Variants in TFCP2L1 observed in about 807,000 individuals in gnomAD.
TFCP2L1 encodes transcription factor CP2-like protein 1.
TFCP2L1 carries 12 observed loss-of-function variants against 72.2 expected under a neutral mutation model. The ratio of observed to expected loss-of-function variants is 0.17; its 90% CI spans 0.11 to 0.27. The LOEUF (loss-of-function observed/expected upper bound fraction) is 0.27, where lower values mean the gene tolerates loss of function less well. TFCP2L1 is among the 10% of genes least tolerant of loss of function. TFCP2L1 has a pLI of 1.00. For missense variants in TFCP2L1, 488 were observed against 624.6 expected (o/e 0.78, Z 2.33); for synonymous variants, 260 against 251.0 (o/e 1.04, Z -0.34).
intron 11 of TFCP2L1, 95 bp from the exon 12 acceptor site, chr2:121,234,289 A>AGG: frequency 8.5e-7 from 1 of 1,174,502 alleles, no homozygotes; most frequent in Non-Finnish European, 1.2e-6. Flanking sequence ...GGCAGAACTC[A>AGG]GGGAGGAAGA....
chr2:121,275,924 G>A (rs1009962153), intron 2 of TFCP2L1, among the ~76,000 whole-genome samples: 27 of 152,116 alleles, frequency 1.8e-4, no homozygotes, highest in Non-Finnish European at 3.7e-4. Flanking sequence ...TATTGGGAAC[G>A]GCTAAAAAGA....
In TFCP2L1 at chr2:121,224,063, T is replaced by C; in HGVS notation, c.*278A>G. Reference sequence around the variant, plus strand: ...GAGCAGACGTCTCCACTGTTTGCCCTTTTAGAACGTCAGGGTTGGACCAAT... The same window carrying C: ...GAGCAGACGTCTCCACTGTTTGCCCCTTTAGAACGTCAGGGTTGGACCAAT... On this transcript the variant is annotated 3_prime_UTR_variant, in exon 15 of 15. Coordinates refer to ENST00000263707, the MANE Select transcript of TFCP2L1 (RefSeq NM_014553.3). The C allele has an allele frequency of 2.0e-6, 1 of 503,706 alleles. No homozygotes were observed. The highest frequency in any genetic ancestry group is 3.6e-6 in the Non-Finnish European group (1 of 280,616). The allele number at this position is 503,706 out of a possible 1,614,324, so 31.2% of individuals were successfully genotyped here.
intron 2 of TFCP2L1, among the ~76,000 whole-genome samples, chr2:121,273,967 G>A (rs369470850): frequency 3.9e-5 from 6 of 152,050 alleles, no homozygotes; most frequent in South Asian, 2.1e-4. Context: ...GGTAGTGGGC[G>A]CCTGTAACCC....
intron 2 of TFCP2L1, among the ~76,000 whole-genome samples, chr2:121,275,251 GCGGGCGCC>G (rs1558746427): frequency 2.2e-5 from 3 of 137,698 alleles, no homozygotes; most frequent in South Asian, 2.4e-4. Flanking sequence ...AGGCATGGCG[GCGGGCGCC>G]TGTAGTCGCG....
intron 2 of TFCP2L1, among the ~76,000 whole-genome samples, chr2:121,256,250 A>G (rs1475459178): frequency 6.6e-6 from 1 of 152,130 alleles, no homozygotes; most frequent in Non-Finnish European, 1.5e-5. Flanking sequence ...CCTGAAACAC[A>G]TGTTGCCATA....
chr2:121,243,888 G>A (rs1055954602), intron 6 of TFCP2L1, among the ~76,000 whole-genome samples: 1 of 152,024 alleles, frequency 6.6e-6, no homozygotes, highest in African/African-American at 2.4e-5. Context: ...GAATCATCCC[G>A]AAACCATCCC....
chr2:121,240,099 A>G lies in TFCP2L1; in HGVS notation c.769-450T>C. On this transcript the variant is annotated intron_variant, in intron 7 of 14. Coordinates refer to ENST00000263707, the MANE Select transcript of TFCP2L1 (RefSeq NM_014553.3). ...ATAAGCAGTAAGAGTCAGTATTAAA[A>G]CCTGTGCTATTTGAAAAAAGAATCT... 4 of 985,256 alleles carry G rather than the reference A, an allele frequency of 4.1e-6. No individual in the cohort carries two copies. In the South Asian group the frequency reaches 1.9e-4, roughly 46 times the overall value. 61.0% of individuals were successfully genotyped at this position (985,256 alleles called of 1,614,324 possible). A position where few individuals can be genotyped will look rare whatever the true frequency, so the allele number is the denominator to read the frequency against.
At chr2:121,281,592 G>A (rs1324397203) in intron 1 of TFCP2L1, among the ~76,000 whole-genome samples, 4 of 152,138 alleles carry the variant, frequency 2.6e-5, no homozygotes. Context: ...TAGCAGCAAA[G>A]GGACCTCTAA....
intron 2 of TFCP2L1, among the ~76,000 whole-genome samples, chr2:121,275,427 T>C (rs957513513): frequency 7.8e-6 from 1 of 127,728 alleles, no homozygotes; most frequent in African/African-American, 3.1e-5. Flanking sequence ...AAATAACATG[T>C]AGACATTTTA....
intron 6 of TFCP2L1, 147 bp downstream of exon 6, chr2:121,246,671 T>C: frequency 9.6e-7 from 1 of 1,042,396 alleles, no homozygotes; most frequent in Non-Finnish European, 1.4e-6. Flanking sequence ...CTCGTGTGCA[T>C]TAGAAGCCCA....
At chr2:121,235,366 G>A (rs772034914) in intron 10 of TFCP2L1, 55 bp from the exon 11 acceptor site, 32 of 1,584,408 alleles carry the variant, frequency 2.0e-5, no homozygotes, top group South Asian at 7.7e-5. Flanking sequence ...GAAAGGGCTC[G>A]GTCCCCAACC....
chr2:121,248,108 G>A (rs1686526163), intron 5 of TFCP2L1, 56 bp downstream of exon 5: 6 of 1,511,698 alleles, frequency 4.0e-6, no homozygotes, highest in South Asian at 1.2e-5. Flanking sequence ...GAAACTGCAC[G>A]CAGGCCACCC....
Position 121,285,164 on chromosome 2 carries a change from C to A in TFCP2L1, c.-55G>T, listed in dbSNP as rs552430300. 4.0e-5 allele frequency: 56 copies of A among 1,399,382 alleles called. No homozygotes were observed. The highest frequency in any genetic ancestry group is 4.8e-5 in the Non-Finnish European group (51 of 1,071,150). The allele number at this position is 1,399,382 out of a possible 1,614,324, so 86.7% of individuals were successfully genotyped here. ...CGCGGCAGCAAGCGCAGACGCGGGG[C>A]GCGCCGAGGACCCAGCGGCGGCTTC... On this transcript the variant is annotated 5_prime_UTR_variant, in exon 1 of 15. Coordinates refer to ENST00000263707, the MANE Select transcript of TFCP2L1 (RefSeq NM_014553.3).
chr2:121,282,064 C>G lies in TFCP2L1; in HGVS notation c.63-793G>C, dbSNP rs535723960. ...TCTTGTGCCTCAGCTTCCTGAGTAG[C>G]TGGGATTATAGGAATGAGCCACCAC... On this transcript the variant is annotated intron_variant, in intron 1 of 14. Coordinates refer to ENST00000263707, the MANE Select transcript of TFCP2L1 (RefSeq NM_014553.3). Among the ~76,000 whole-genome samples the G allele has an allele frequency of 1.3e-3, 202 of 152,004 alleles. 2 individuals carry two copies. Among genetic ancestry groups the G allele is most frequent in the South Asian group, 0.012 (59 of 4,796 alleles).
chr2:121,264,308 C>T (rs947923929), intron 2 of TFCP2L1, among the ~76,000 whole-genome samples: 1 of 152,228 alleles, frequency 6.6e-6, no homozygotes, highest in Admixed American at 6.5e-5. Flanking sequence ...TCTACTAAGG[C>T]AACACAGCCT....
chr2:121,242,493 A>G (rs778482134), intron 6 of TFCP2L1, 24 bp from the exon 7 acceptor site: 11 of 1,611,126 alleles, frequency 6.8e-6, no homozygotes, highest in African/African-American at 1.3e-5. Context: ...ACAGAGTCCA[A>G]TCAGCCCAAA....
chr2:121,261,742 G>A (rs1686832587), intron 2 of TFCP2L1, among the ~76,000 whole-genome samples: 1 of 152,132 alleles, frequency 6.6e-6, no homozygotes, highest in South Asian at 2.1e-4. Flanking sequence ...GAGGGAAAAA[G>A]CAAAGGGTAA....
intron 2 of TFCP2L1, among the ~76,000 whole-genome samples, chr2:121,264,404 G>T (rs1286120778): frequency 6.6e-6 from 1 of 152,210 alleles, no homozygotes; most frequent in Non-Finnish European, 1.5e-5. Flanking sequence ...GTGGAAATGG[G>T]GAAGGCGGGG....
intron 2 of TFCP2L1, among the ~76,000 whole-genome samples, chr2:121,255,833 C>A (rs528535268): frequency 1.9e-4 from 29 of 152,084 alleles, no homozygotes; most frequent in Non-Finnish European, 3.2e-4. Context: ...AGCTCTGCCT[C>A]CCGGGTTCAC....
Sources: gnomAD v4.1 joint callset for allele counts (sites outside exome capture counted in the v4.1 genomes callset) on GRCh38, gnomAD v4.1.1 for gene constraint, MANE v1.5 for transcripts, NCBI Gene and HGNC (gene_info 2026-07-23, HGNC 2026-07-21) for gene names.